EDEM1: variants seen among roughly 807,000 people sequenced by gnomAD.
EDEM1 encodes the protein ER degradation enhancing alpha-mannosidase like protein 1.
EDEM1 carries 67 observed loss-of-function variants against 74.4 expected under a neutral mutation model. That is an observed-to-expected ratio of 0.90 (90% CI 0.74 to 1.10). The LOEUF is 1.10. Ranked by LOEUF, EDEM1 falls within the 50% of genes least tolerant of loss-of-function variation. The pLI, the probability that EDEM1 is intolerant of heterozygous loss-of-function variation, is 0.00. For synonymous variants in EDEM1, 382 were observed against 335.9 expected, an observed-to-expected ratio of 1.14 and a Z score of -1.50; for missense variants, 926 against 851.6, an observed-to-expected ratio of 1.09 and a Z score of -1.09.
At position 5,208,257 on chromosome 3, in the gene EDEM1, C is replaced by T. The variant is rs1226236885; in HGVS notation, c.1503C>T (p.Leu501=). The T allele has an allele frequency of 6.2e-7, 1 of 1,608,768 alleles. No homozygotes were observed. Among genetic ancestry groups the T allele is most frequent in the Non-Finnish European group, 8.5e-7 (1 of 1,178,544 alleles). ...AGTTAGTGGAATCCACATATCTCCT[C>T]TACCAGGTACTAGAGTTGTGTTTTT... ...RPELVESTYL[L]YQATKNPFYL... The change falls in exon 8 of 12, where the codon CTC becomes CTT. Residue 501 remains leucine, a synonymous_variant. Coordinates refer to ENST00000256497, the MANE Select transcript of EDEM1 (RefSeq NM_014674.3).
In EDEM1 at chr3:5,216,467, T is replaced by G. The variant is rs1475750100; in HGVS notation, c.*549T>G. The G allele has an allele frequency of 2.0e-5, 3 of 152,182 alleles. No homozygotes were observed. The highest frequency in any genetic ancestry group is 4.4e-5 in the Non-Finnish European group (3 of 68,042). The allele number at this position is 152,182 out of a possible 1,614,324, so 9.4% of individuals were successfully genotyped here. On this transcript the variant is annotated 3_prime_UTR_variant, in exon 12 of 12. Coordinates refer to ENST00000256497, the MANE Select transcript of EDEM1 (RefSeq NM_014674.3). ...TTTGTTAGAGGATTGAGAATGAAAT[T>G]TCTGCAAAAGGGCCCATGGTTCATT...
intron 1 of EDEM1, among the ~76,000 whole-genome samples, chr3:5,189,888 C>A (rs563951527): frequency 6.6e-6 from 1 of 152,174 alleles, no homozygotes; most frequent in Non-Finnish European, 1.5e-5. Context: ...CGTGAGCCAC[C>A]GCTCCCGGCC....
rs1048958660 is a variant in EDEM1 at position 5,219,022 on chromosome 3, C to T, written c.*3104C>T. The T allele has an allele frequency of 4.6e-5, 7 of 152,162 alleles. No homozygotes were observed. The highest frequency in any genetic ancestry group is 1.4e-4 in the African/African-American group (6 of 41,512). The allele number at this position is 152,162 out of a possible 1,614,324, so 9.4% of individuals were successfully genotyped here. ...TCTGTGCACGTGACTATTAGAGGAG[C>T]GTCTGTAGAAGTACCTGGTTTGGTC... On this transcript the variant is annotated 3_prime_UTR_variant, in exon 12 of 12. Coordinates refer to ENST00000256497, the MANE Select transcript of EDEM1 (RefSeq NM_014674.3).
At chr3:5,203,858 A>G (rs2055063353) in intron 5 of EDEM1, among the ~76,000 whole-genome samples, 1 of 152,068 alleles carries the variant, frequency 6.6e-6, no homozygotes, top group Non-Finnish European at 1.5e-5. Flanking sequence ...CAGCCTCCCA[A>G]GTAGCTGAGA....
At chr3:5,196,982 G>A (rs2054976696) in intron 2 of EDEM1, among the ~76,000 whole-genome samples, 1 of 147,872 alleles carries the variant, frequency 6.8e-6, no homozygotes, top group Admixed American at 6.7e-5. Context: ...AGGCTGGAGT[G>A]CTGTGGCGTG....
At position 5,218,987 on chromosome 3, in the gene EDEM1, C is replaced by G. The variant is rs2055278098; in HGVS notation, c.*3069C>G. On this transcript the variant is annotated 3_prime_UTR_variant, in exon 12 of 12. Coordinates refer to ENST00000256497, the MANE Select transcript of EDEM1 (RefSeq NM_014674.3). Reference sequence around the variant, plus strand: ...TCTATGTATTTAAAGAAAAATGCACCAGGATGGTGTCTGTGCACGTGACTA... The same window carrying G: ...TCTATGTATTTAAAGAAAAATGCACGAGGATGGTGTCTGTGCACGTGACTA... The G allele has an allele frequency of 6.6e-6, 1 of 152,046 alleles. No homozygotes were observed. Among genetic ancestry groups the G allele is most frequent in the South Asian group, 2.1e-4 (1 of 4,824 alleles). 9.4% of individuals were successfully genotyped at this position (152,046 alleles called of 1,614,324 possible).
intron 4 of EDEM1, among the ~76,000 whole-genome samples, 195 bp from the exon 5 acceptor site, chr3:5,202,771 G>C (rs1335203468): frequency 6.6e-6 from 1 of 152,188 alleles, no homozygotes; most frequent in East Asian, 1.9e-4. Context: ...GCAAGGCTCT[G>C]CTGTTCTTAT....
chr3:5,201,669 A>T, intron 3 of EDEM1, 84 bp from the exon 4 acceptor site: 2 of 1,532,536 alleles, frequency 1.3e-6, no homozygotes, highest in Non-Finnish European at 1.8e-6. Context: ...TGTGGATATG[A>T]ACATACTTCT....
intron 7 of EDEM1, among the ~76,000 whole-genome samples, 193 bp from the exon 8 acceptor site, chr3:5,207,900 T>A (rs2055117884): frequency 6.6e-6 from 1 of 152,198 alleles, no homozygotes; most frequent in Non-Finnish European, 1.5e-5. Context: ...TCACATCAAT[T>A]TGGCATTAGT....
intron 8 of EDEM1, among the ~76,000 whole-genome samples, chr3:5,209,036 G>A (rs930655247): frequency 6.6e-6 from 1 of 152,136 alleles, no homozygotes; most frequent in African/African-American, 2.4e-5. Flanking sequence ...CCGTGGGCCA[G>A]CCCTAGCAAG....
chr3:5,217,603 A>G lies in EDEM1; in HGVS notation c.*1685A>G, dbSNP rs921100069. 1 of 152,638 alleles carries G rather than the reference A, an allele frequency of 6.6e-6. No homozygotes were observed. Among genetic ancestry groups the G allele is most frequent in the African/African-American group, 2.4e-5 (1 of 41,440 alleles). 9.5% of individuals were successfully genotyped at this position (152,638 alleles called of 1,614,324 possible). The stretch of plus-strand genomic sequence containing the variant: ...GAGTATTTTCAGTAATAAACGTGCC[A>G]TCTCTATCTCTTAAACATTTATTAC... On this transcript the variant is annotated 3_prime_UTR_variant, in exon 12 of 12. Coordinates refer to ENST00000256497, the MANE Select transcript of EDEM1 (RefSeq NM_014674.3).
Position 5,205,214 on chromosome 3 carries a change from A to G in EDEM1, c.1190A>G (p.Gln397Arg). 1 of 1,614,148 alleles carries G rather than the reference A, an allele frequency of 6.2e-7. No homozygotes were observed. The highest frequency in any genetic ancestry group is 2.2e-5 in the East Asian group (1 of 44,886). The change falls in exon 6 of 12, where the codon CAG (glutamine) becomes CGG (arginine). Residue 397 changes from glutamine (Q) to arginine (R), a missense_variant. Gln to Arg is a conservative substitution (Grantham distance 43, BLOSUM62 1). Transcript: ENST00000256497. ...EDLEMFNAAYQSIQNYLRRGR... is the reference protein window; with the variant it reads ...EDLEMFNAAYRSIQNYLRRGR... Reference sequence around the variant, plus strand: ...CTAGAAATGTTTAATGCTGCATATCAGAGTATTCAGAACTACTTAAGAAGA... The same window carrying G: ...CTAGAAATGTTTAATGCTGCATATCGGAGTATTCAGAACTACTTAAGAAGA...
At position 5,202,955 on chromosome 3, in the gene EDEM1, C is replaced by T; in HGVS notation, c.859-11C>T. ...AGTTTTGTCACAGTCTTTGTCTGTT[C>T]CCATCCCCAGGTGAATCTAAAGACA... On this transcript the variant is annotated splice_polypyrimidine_tract_variant and intron_variant, in intron 4 of 11. Transcript: ENST00000256497. The T allele has an allele frequency of 6.2e-7, 1 of 1,612,026 alleles. No homozygotes were observed. The highest frequency in any genetic ancestry group is 8.5e-7 in the Non-Finnish European group (1 of 1,178,948).
chr3:5,208,160 A>C lies in EDEM1; in HGVS notation c.1406A>C (p.Tyr469Ser), dbSNP rs371280594. 1.9e-6 allele frequency: 3 copies of C among 1,612,974 alleles called. No homozygotes were observed. Among genetic ancestry groups the C allele is most frequent in the Non-Finnish European group, 2.5e-6 (3 of 1,179,742 alleles). Residue 469 changes from tyrosine to serine, a missense_variant, in exon 8 of 12, where the codon TAT (tyrosine) becomes TCT (serine). Physicochemically the swap from Tyr to Ser is moderately radical, Grantham distance 144. Coordinates refer to ENST00000256497, the MANE Select transcript of EDEM1 (RefSeq NM_014674.3). The stretch of plus-strand genomic sequence containing the variant: ...TTCTACTATGCCATATGGAAACGAT[A>C]TGGTGCCCTCCCTGAGAGATATAAC... ...HAFYYAIWKR[Y>S]GALPERYNWQ...
At position 5,195,239 on chromosome 3, in the gene EDEM1, G is replaced by T; in HGVS notation, c.540G>T (p.Gly180=). 6.4e-7 allele frequency: 1 copy of T among 1,561,596 alleles called. No homozygotes were observed. The highest frequency in any genetic ancestry group is 1.2e-5 in the South Asian group (1 of 83,714). The part of the protein sequence containing the change: ...PSNLNINDVL[G]NYSLTLVDAL... ...ATCTGAACATCAATGATGTACTAGG[G>T]AACTACTCATTGACTCTTGTTGATG... is the stretch of plus-strand genomic sequence containing the variant. The change falls in exon 2 of 12, where the codon GGG becomes GGT. Residue 180 remains glycine (G), a synonymous_variant. Transcript: ENST00000256497.
Position 5,188,128 on chromosome 3 carries a change from GC to G in EDEM1, c.325del (p.Arg109AlafsTer65), listed in dbSNP as rs2054850067. On this transcript the variant is annotated frameshift_variant, in exon 1 of 12. Transcript: ENST00000256497. LOFTEE classifies it high-confidence loss of function. Reference protein sequence around the residue: ...ANWGYVLGGRGRGPDEYEKRY... With the variant: ...ANWGYVLGGRXRGPDEYEKRY... ...TGGGGCTACGTGCTGGGCGGCCGGG[GC>G]CGCGGCCCGGACGAGTACGAGAAGC... is the stretch of plus-strand genomic sequence containing the variant. 2 of 1,527,366 alleles carry G rather than the reference GC, an allele frequency of 1.3e-6. No homozygotes were observed. The highest frequency in any genetic ancestry group is 1.8e-6 in the Non-Finnish European group (2 of 1,137,000). The allele number at this position is 1,527,366 out of a possible 1,614,324, so 94.6% of individuals were successfully genotyped here.
intron 1 of EDEM1, among the ~76,000 whole-genome samples, chr3:5,189,171 A>G (rs2054869978): frequency 6.6e-6 from 1 of 152,070 alleles, no homozygotes; most frequent in African/African-American, 2.4e-5. Flanking sequence ...TAGGGAAGGA[A>G]TGTGCATTGC....
chr3:5,205,239 A>G lies in EDEM1; in HGVS notation c.1215A>G (p.Arg405=), dbSNP rs1204335559. 4.3e-6 allele frequency: 7 copies of G among 1,612,654 alleles called. No individual in the cohort carries two copies. Among genetic ancestry groups the G allele is most frequent in the Non-Finnish European group, 5.9e-6 (7 of 1,179,162 alleles). ...AGAGTATTCAGAACTACTTAAGAAGAGGGTATGTCTCCCTAACATCTCCTC... is the reference window on the plus strand; with the variant it reads ...AGAGTATTCAGAACTACTTAAGAAGGGGGTATGTCTCCCTAACATCTCCTC... ...AYQSIQNYLR[R]GREACNEGEG... The change falls in exon 6 of 12, where the codon AGA becomes AGG. Residue 405 remains arginine (R), a splice_region_variant and synonymous_variant. Transcript: ENST00000256497.
rs141389600 is a variant in EDEM1 at position 5,194,655 on chromosome 3, C to G, written c.510-554C>G. ...ATATCTCAGAATTAACGGAAATAAT[C>G]AAGACCCTTTGGATGAGTTATTAAT... On this transcript the variant is annotated intron_variant, in intron 1 of 11. Coordinates refer to ENST00000256497, the MANE Select transcript of EDEM1 (RefSeq NM_014674.3). Among the ~76,000 whole-genome samples the G allele has an allele frequency of 1.4e-3, 209 of 152,270 alleles. 1 individual carries two copies. Among genetic ancestry groups the G allele is most frequent in the African/African-American group, 4.9e-3 (204 of 41,546 alleles).
Sources: gnomAD v4.1 joint callset for allele counts (sites outside exome capture counted in the v4.1 genomes callset) on GRCh38, gnomAD v4.1.1 for gene constraint, MANE v1.5 for transcripts, NCBI Gene and HGNC (gene_info 2026-07-23, HGNC 2026-07-21) for gene names.